Variants in ZNF566 observed in about 807,000 individuals in gnomAD.
The protein encoded by ZNF566 is zinc finger protein 566.
Under a neutral mutation model 32.8 loss-of-function variants are expected in ZNF566, and 27 were observed. That is an observed-to-expected ratio of 0.82 (90% CI 0.61 to 1.14). The LOEUF is 1.14. ZNF566 is among the 50% of genes most tolerant of loss of function. The pLI, the probability that ZNF566 is intolerant of heterozygous loss-of-function variation, is 0.00. For synonymous variants in ZNF566, 154 were observed against 159.5 expected (o/e 0.97, Z 0.26); for missense variants, 402 against 490.4 (o/e 0.82, Z 1.70).
chr19:36,473,369 A>T lies in ZNF566; in HGVS notation c.99T>A (p.Asp33Glu). 6.2e-7 allele frequency: 1 copy of T among 1,613,962 alleles called. No individual in the cohort carries two copies. The highest frequency in any genetic ancestry group is 1.3e-5 in the African/African-American group (1 of 75,032). Residue 33 changes from aspartate (D) to glutamate (E), a missense_variant, in exon 3 of 5, where the codon GAT (aspartate) becomes GAA (glutamate). Around this residue, in one of 3 missense-constraint regions of ZNF566, gnomAD observed 220 missense variants for 241.9 expected, o/e 0.91. Coordinates refer to ENST00000452939, the MANE Select transcript of ZNF566 (RefSeq NM_001145344.1). ...LNDDQRDLYRDVMLENYSNLV... is the reference protein window; with the variant it reads ...LNDDQRDLYREVMLENYSNLV... ...GGTTGCTGTAATTCTCCAACATCAC[A>T]TCTCTGTATAAATCTCTCTGATCAT...
chr19:36,449,876 C>T lies in ZNF566; in HGVS notation c.358G>A (p.Asp120Asn). Residue 120 changes from aspartate to asparagine, a missense_variant, in exon 5 of 5, where the codon GAT (aspartate) becomes AAT (asparagine). This residue lies in a region of ZNF566 where 220 missense variants were observed against 241.9 expected (regional missense o/e 0.91). Coordinates refer to ENST00000452939, the MANE Select transcript of ZNF566 (RefSeq NM_001145344.1). ...RRDFQCSSFR[D>N]DWECNRQFKK... is the part of the protein sequence containing the mutation. ...AACTGCCGATTACATTCCCAATCATCTCTGAAACTGGAGCACTGAAAATCA... is the reference window on the plus strand; with the variant it reads ...AACTGCCGATTACATTCCCAATCATTTCTGAAACTGGAGCACTGAAAATCA... 1.9e-6 allele frequency: 3 copies of T among 1,614,128 alleles called. No homozygotes were observed. Among genetic ancestry groups the T allele is most frequent in the Non-Finnish European group, 2.5e-6 (3 of 1,180,018 alleles).
At chr19:36,457,924 A>C (rs2033359094) in intron 4 of ZNF566, among the ~76,000 whole-genome samples, 1 of 151,934 alleles carries the variant, frequency 6.6e-6, no homozygotes, top group Admixed American at 6.6e-5. Flanking sequence ...AAATCCCCTC[A>C]CACCTGTCAG....
intron 2 of ZNF566, among the ~76,000 whole-genome samples, chr19:36,475,905 G>C (rs551619909): frequency 3.7e-4 from 57 of 152,228 alleles, no homozygotes; most frequent in African/African-American, 1.3e-3. Flanking sequence ...AAGTATTCTT[G>C]ATGAAACTGA....
intron 1 of ZNF566, among the ~76,000 whole-genome samples, chr19:36,481,165 G>C (rs904789053): frequency 3.3e-5 from 5 of 151,886 alleles, no homozygotes; most frequent in African/African-American, 4.8e-5. Flanking sequence ...CTCATAATGA[G>C]AGAAATAAGA....
chr19:36,476,422 C>T, intron 2 of ZNF566, 127 bp downstream of exon 2: 8 of 758,108 alleles, frequency 1.1e-5, no homozygotes, highest in South Asian at 8.9e-5. Context: ...TGACATTGCT[C>T]ATAACCAAAC....
At chr19:36,486,523 T>G (rs914960742) in intron 1 of ZNF566, among the ~76,000 whole-genome samples, 1 of 151,864 alleles carries the variant, frequency 6.6e-6, no homozygotes, top group Non-Finnish European at 1.5e-5. Context: ...AATACAAAAT[T>G]AGCTGGCCGT....
chr19:36,482,611 A>G (rs566970698), intron 1 of ZNF566, among the ~76,000 whole-genome samples: 3 of 152,214 alleles, frequency 2.0e-5, no homozygotes, highest in African/African-American at 7.2e-5. Context: ...AAAAAGAGCT[A>G]CACAGAGATT....
chr19:36,470,747 C>T (rs1374908757), intron 4 of ZNF566, among the ~76,000 whole-genome samples: 8 of 151,968 alleles, frequency 5.3e-5, no homozygotes, highest in African/African-American at 9.7e-5. Flanking sequence ...ACTGTCTCTA[C>T]TAAAATACAA....
intron 4 of ZNF566, among the ~76,000 whole-genome samples, chr19:36,462,994 C>A (rs1054474226): frequency 6.8e-5 from 8 of 118,504 alleles, no homozygotes; most frequent in African/African-American, 1.4e-4. Flanking sequence ...AAAAAAATCC[C>A]ATTTCCTGTG....
At chr19:36,480,326 G>A (rs930408924) in intron 1 of ZNF566, among the ~76,000 whole-genome samples, 2 of 139,922 alleles carry the variant, frequency 1.4e-5, no homozygotes, top group Non-Finnish European at 3.0e-5. Flanking sequence ...ACTCTGTCAC[G>A]CAGGCTGGAG....
In ZNF566 at chr19:36,473,008, T is replaced by C. The variant is rs777800914; in HGVS notation, c.137-2A>G. The C allele has an allele frequency of 6.2e-7, 1 of 1,610,344 alleles. No homozygotes were observed. Among genetic ancestry groups the C allele is most frequent in the Non-Finnish European group, 8.5e-7 (1 of 1,178,722 alleles). On this transcript the variant is annotated splice_acceptor_variant, in intron 3 of 4. Coordinates refer to ENST00000452939, the MANE Select transcript of ZNF566 (RefSeq NM_001145344.1). LOFTEE classifies it high-confidence loss of function. ...CATTTGGTTTAGAAATAGAATGCCCTGCTTACAAAAGAAGTAACAAAACAA... is the reference window on the plus strand; with the variant it reads ...CATTTGGTTTAGAAATAGAATGCCCCGCTTACAAAAGAAGTAACAAAACAA...
At chr19:36,481,749 A>G (rs1176894975) in intron 1 of ZNF566, among the ~76,000 whole-genome samples, 3 of 152,210 alleles carry the variant, frequency 2.0e-5, no homozygotes, top group Non-Finnish European at 4.4e-5. Flanking sequence ...CAATAGAAAA[A>G]TACATATATA....
chr19:36,467,385 A>G (rs1252567381), intron 4 of ZNF566, among the ~76,000 whole-genome samples: 1 of 150,042 alleles, frequency 6.7e-6, no homozygotes, highest in African/African-American at 2.5e-5. Flanking sequence ...AAGTGAGCGA[A>G]GATCGCACCG....
intron 4 of ZNF566, among the ~76,000 whole-genome samples, chr19:36,470,418 A>T (rs1174229450): frequency 6.6e-6 from 1 of 151,874 alleles, no homozygotes; most frequent in East Asian, 1.9e-4. Context: ...TTCCGCTTAC[A>T]CTCCAAGACT....
At chr19:36,471,658 C>A (rs2033768921) in intron 4 of ZNF566, among the ~76,000 whole-genome samples, 1 of 152,064 alleles carries the variant, frequency 6.6e-6, no homozygotes, top group African/African-American at 2.4e-5. Flanking sequence ...TTAGTATTTA[C>A]TATTACCTGG....
At chr19:36,473,168 A>G in intron 3 of ZNF566, 162 bp from the exon 4 acceptor site, 1 of 1,080,258 alleles carries the variant, frequency 9.3e-7, no homozygotes, top group Middle Eastern at 2.8e-4. Context: ...ATCCCCAAAA[A>G]CTCAATGCAG....
At chr19:36,479,916 T>TA (rs1167379573) in intron 1 of ZNF566, among the ~76,000 whole-genome samples, 1 of 152,132 alleles carries the variant, frequency 6.6e-6, no homozygotes, top group Non-Finnish European at 1.5e-5. Context: ...AGGCTTGTCT[T>TA]AAACTCTTGG....
intron 1 of ZNF566, among the ~76,000 whole-genome samples, chr19:36,485,448 T>TAA (rs34950405): frequency 5.7e-5 from 6 of 104,478 alleles, no homozygotes; most frequent in Admixed American, 2.3e-4. Flanking sequence ...CCTTGTCTAT[T>TAA]AAAAAAAAAA....
chr19:36,474,009 G>C (rs185104971), intron 2 of ZNF566, among the ~76,000 whole-genome samples: 1 of 152,258 alleles, frequency 6.6e-6, no homozygotes, highest in Admixed American at 6.5e-5. Context: ...AATAAACTCT[G>C]ACCTAGACTT....
Sources: allele counts gnomAD v4.1 joint callset (sites outside exome capture counted in the v4.1 genomes callset), GRCh38; gene constraint gnomAD v4.1.1; regional missense constraint gnomAD v4.1.1; transcripts MANE v1.5; gene names NCBI Gene and HGNC (gene_info 2026-07-23, HGNC 2026-07-21).